RBFOX1: variants seen among roughly 807,000 people sequenced by gnomAD.
RBFOX1 encodes RNA binding protein fox-1 homolog 1.
A neutral mutation model predicts 57.7 loss-of-function variants in RBFOX1; 8 were observed. The observed-to-expected ratio is 0.14, with a 90% CI of 0.08 to 0.25. RBFOX1 has a LOEUF of 0.25. Among genes scored for constraint, RBFOX1 ranks in the 10% least tolerant of loss-of-function variants. The probability of loss-of-function intolerance (pLI) is 1.00; values close to 1 mark genes in which losing one functional copy is unlikely to be tolerated. For synonymous variants in RBFOX1, 326 were observed against 222.4 expected (o/e 1.47, Z -4.15); for missense variants, 611 against 548.5 (o/e 1.11, Z -1.14).
intron 4 of RBFOX1, among the ~76,000 whole-genome samples, chr16:7,243,813 G>C (rs1256200593): frequency 6.6e-6 from 1 of 152,086 alleles, no homozygotes; most frequent in South Asian, 2.1e-4. Context: ...GCCTCCCAAA[G>C]TGCTGGTATT....
rs575353985 is a variant in RBFOX1, at chr16:6,828,021, G to A, written c.-16+173371G>A. On this transcript the variant is annotated intron_variant, in intron 3 of 15. Transcript: ENST00000550418. The stretch of plus-strand genomic sequence containing the variant: ...CTCATCAATTTTTCCCCAGCACAGA[G>A]CTCAATACTGGCACTGGTAAACCCT... 1.2e-4 allele frequency among the ~76,000 whole-genome samples: 18 copies of A among 152,282 alleles called. No individual in the cohort carries two copies. In the South Asian group the frequency reaches 3.5e-3, roughly 30 times the overall value.
At chr16:7,325,755 G>A (rs528864174) in intron 4 of RBFOX1, among the ~76,000 whole-genome samples, 2 of 152,198 alleles carry the variant, frequency 1.3e-5, no homozygotes, top group East Asian at 3.9e-4. Context: ...TTGTGACTTG[G>A]GTGTCACATT....
chr16:6,239,638 C>A (rs992004265), intron 1 of RBFOX1, among the ~76,000 whole-genome samples: 3 of 151,820 alleles, frequency 2.0e-5, no homozygotes, highest in Non-Finnish European at 2.9e-5. Context: ...GCTGGGACTA[C>A]AGGCACCCAC....
chr16:5,417,828 C>T (rs111865284), intron 1 of RBFOX1, among the ~76,000 whole-genome samples: 140 of 152,266 alleles, frequency 9.2e-4, no homozygotes, highest in Non-Finnish European at 1.7e-3. Flanking sequence ...CACCTGTAAT[C>T]CCAGCACTTT....
At chr16:5,738,374 G>A (rs1301811759) in intron 3 of RBFOX1, among the ~76,000 whole-genome samples, 3 of 151,988 alleles carry the variant, frequency 2.0e-5, no homozygotes, top group East Asian at 1.9e-4. Context: ...GCTCATGCTT[G>A]TAATCCCAAC....
intron 4 of RBFOX1, among the ~76,000 whole-genome samples, chr16:7,261,979 TA>T (rs1319882344): frequency 6.6e-6 from 1 of 152,242 alleles, no homozygotes; most frequent in African/African-American, 2.4e-5. Context: ...TAAATCATCC[TA>T]ACTTTTTGTC....
chr16:6,891,788 C>A (rs1231033829), intron 3 of RBFOX1, among the ~76,000 whole-genome samples: 1 of 152,112 alleles, frequency 6.6e-6, no homozygotes, highest in Admixed American at 6.6e-5. Flanking sequence ...TTCCTGCTGC[C>A]CAAAATAGAG....
rs187432690 is a variant in RBFOX1 at position 6,723,286 on chromosome 16, A to G, written c.-16+68636A>G. Among the ~76,000 whole-genome samples the G allele has an allele frequency of 5.1e-4, 77 of 152,326 alleles. 1 individual carries two copies. In the East Asian group the frequency reaches 0.013, roughly 25 times the overall value. On this transcript the variant is annotated intron_variant, in intron 3 of 15. Transcript: ENST00000550418. ...CTTCGTGTTTCTTACCTGGACAATC[A>G]TTTAATATAGGCACCTACTGTATCA...
Position 5,364,050 on chromosome 16 carries a change from G to A in RBFOX1, c.220-103166G>A, listed in dbSNP as rs568915732. 5.6e-4 allele frequency among the ~76,000 whole-genome samples: 86 copies of A among 152,290 alleles called. 1 individual carries two copies. The highest frequency in any genetic ancestry group is 2.0e-3 in the African/African-American group (82 of 41,556). On this transcript the variant is annotated intron_variant, in intron 1 of 2. Transcript: ENST00000585867. The stretch of plus-strand genomic sequence containing the variant: ...GTAGTTACTCCTTCTCTCCCTCAGC[G>A]ATTCCCCGACGCTGGATATCAGAAG...
intron 3 of RBFOX1, among the ~76,000 whole-genome samples, chr16:6,942,446 A>G (rs1296805868): frequency 1.3e-5 from 2 of 152,106 alleles, no homozygotes; most frequent in Non-Finnish European, 2.9e-5. Context: ...GTTTTGAGCC[A>G]TTGTGCCCAG....
chr16:7,675,220 C>G (rs2072911003), intron 13 of RBFOX1, among the ~76,000 whole-genome samples: 1 of 150,172 alleles, frequency 6.7e-6, no homozygotes, highest in South Asian at 2.3e-4. Context: ...CCTGGTGACC[C>G]AATTTCTCTT....
intron 4 of RBFOX1, among the ~76,000 whole-genome samples, chr16:7,141,992 C>T (rs913672003): frequency 1.4e-5 from 1 of 71,894 alleles, no homozygotes; most frequent in South Asian, 7.2e-4. Context: ...CCATCTTCTC[C>T]TTCTTCTTCC....
intron 3 of RBFOX1, among the ~76,000 whole-genome samples, chr16:5,633,508 C>T (rs911789933): frequency 6.6e-6 from 1 of 152,056 alleles, no homozygotes; most frequent in Non-Finnish European, 1.5e-5. Flanking sequence ...ACTGTGTATC[C>T]GACAAAAGAC....
intron 3 of RBFOX1, among the ~76,000 whole-genome samples, chr16:5,782,287 T>G (rs11861976): frequency 0.35 from 53,405 of 152,068 alleles, 10,100 homozygotes; most frequent in East Asian, 0.55. Flanking sequence ...TCTGATGAGG[T>G]CCCAGTCTGC....
intron 3 of RBFOX1, among the ~76,000 whole-genome samples, chr16:5,816,427 C>G (rs376790551): frequency 6.6e-6 from 1 of 152,146 alleles, no homozygotes; most frequent in African/African-American, 2.4e-5. Flanking sequence ...ACACTGACTG[C>G]CAAAACCATG....
At chr16:6,392,395 C>G (rs2092643931) in intron 2 of RBFOX1, among the ~76,000 whole-genome samples, 2 of 152,096 alleles carry the variant, frequency 1.3e-5, no homozygotes, top group South Asian at 4.1e-4. Context: ...ATATAATTTA[C>G]TAATAGTAAT....
At chr16:5,607,133 T>C (rs2047611692) in intron 3 of RBFOX1, among the ~76,000 whole-genome samples, 1 of 152,178 alleles carries the variant, frequency 6.6e-6, no homozygotes, top group African/African-American at 2.4e-5. Flanking sequence ...GGTCACCAGC[T>C]CTACGCCCAG....
intron 14 of RBFOX1, among the ~76,000 whole-genome samples, chr16:7,699,262 C>T (rs1022260007): frequency 3.2e-4 from 27 of 85,106 alleles, no homozygotes; most frequent in Admixed American, 1.7e-3. Context: ...CTGATCTTAG[C>T]TTCCTGTAAT....
intron 3 of RBFOX1, among the ~76,000 whole-genome samples, chr16:6,818,207 G>C (rs57956816): frequency 0.14 from 21,258 of 152,082 alleles, 1,544 homozygotes; most frequent in Non-Finnish European, 0.16. Flanking sequence ...TCCTGTGACA[G>C]TTTGGCCAAC....
Sources: allele counts gnomAD v4.1 joint callset (sites outside exome capture counted in the v4.1 genomes callset), GRCh38; gene constraint gnomAD v4.1.1; transcripts MANE v1.5; gene names NCBI Gene and HGNC (gene_info 2026-07-23, HGNC 2026-07-21).